GPR141: variants seen among roughly 807,000 people sequenced by gnomAD.
GPR141 encodes the protein G protein-coupled receptor 141.
A neutral mutation model predicts 6.8 loss-of-function variants in GPR141; 6 were observed. The ratio of observed to expected loss-of-function variants is 0.88; its 90% CI spans 0.48 to 1.74. The LOEUF (loss-of-function observed/expected upper bound fraction) is 1.74. Ranked by LOEUF, GPR141 falls within the 40% of genes most tolerant of loss-of-function variation. The pLI, the probability that GPR141 is intolerant of heterozygous loss-of-function variation, is 0.01. For synonymous variants in GPR141, 140 were observed against 142.3 expected, an observed-to-expected ratio of 0.98 and a Z score of 0.11; for missense variants, 372 against 372.9, an observed-to-expected ratio of 1.00 and a Z score of 0.02.
chr7:37,712,998 A>G (rs540945748), intron 2 of GPR141, among the ~76,000 whole-genome samples: 1 of 152,310 alleles, frequency 6.6e-6, no homozygotes, highest in South Asian at 2.1e-4. Flanking sequence ...CATGGTAATG[A>G]TAGAGGCATA....
chr7:37,692,093 C>T (rs1229654418), intron 2 of GPR141, among the ~76,000 whole-genome samples: 1 of 152,046 alleles, frequency 6.6e-6, no homozygotes, highest in Non-Finnish European at 1.5e-5. Context: ...GTTTGCTGCA[C>T]CCATTGACCT....
At chr7:37,725,411 G>T (rs1350563327) in intron 2 of GPR141, among the ~76,000 whole-genome samples, 1 of 152,116 alleles carries the variant, frequency 6.6e-6, no homozygotes, top group Non-Finnish European at 1.5e-5. Context: ...CTTGAGCAGG[G>T]TGAGGCATCC....
At chr7:37,695,474 G>T (rs1185070577) in intron 2 of GPR141, among the ~76,000 whole-genome samples, 1 of 152,206 alleles carries the variant, frequency 6.6e-6, no homozygotes, top group Admixed American at 6.5e-5. Flanking sequence ...GATGTCCAAA[G>T]TGTGGATGAT....
intron 2 of GPR141, among the ~76,000 whole-genome samples, chr7:37,710,154 G>A (rs1810721711): frequency 6.6e-6 from 1 of 152,174 alleles, no homozygotes; most frequent in South Asian, 2.1e-4. Context: ...ATAGAAAATG[G>A]AAGTAGAACT....
intron 2 of GPR141, among the ~76,000 whole-genome samples, chr7:37,686,755 G>A (rs1346511103): frequency 2.6e-5 from 4 of 152,120 alleles, no homozygotes; most frequent in Admixed American, 2.6e-4. Context: ...AAAATTGGAT[G>A]TAACTGTGAT....
chr7:37,743,024 G>A lies in GPR141; in HGVS notation c.*1713G>A, dbSNP rs894869491. On this transcript the variant is annotated 3_prime_UTR_variant, in exon 3 of 3. Transcript: ENST00000334425. Reference sequence around the variant, plus strand: ...ATAGGCTTGTGGGTTTTTGCTTTTTGGGTTTTTTTTGCTCCTGCCCATACT... The same window carrying A: ...ATAGGCTTGTGGGTTTTTGCTTTTTAGGTTTTTTTTGCTCCTGCCCATACT... 4.0e-5 allele frequency among the ~76,000 whole-genome samples: 6 copies of A among 151,834 alleles called. No homozygotes were observed. The highest frequency in any genetic ancestry group is 1.2e-4 in the African/African-American group (5 of 41,338).
intron 2 of GPR141, among the ~76,000 whole-genome samples, chr7:37,721,082 T>A (rs1358542924): frequency 6.6e-6 from 1 of 152,158 alleles, no homozygotes; most frequent in African/African-American, 2.4e-5. Context: ...TGTCACTTTT[T>A]CTCTTTTTTC....
intron 2 of GPR141, among the ~76,000 whole-genome samples, chr7:37,695,801 T>C (rs1394522460): frequency 2.0e-5 from 3 of 152,222 alleles, no homozygotes; most frequent in South Asian, 2.1e-4. Context: ...TAAACACTTA[T>C]GTAGTGTTTG....
chr7:37,704,115 A>G (rs1424420487), intron 2 of GPR141, among the ~76,000 whole-genome samples: 1 of 152,270 alleles, frequency 6.6e-6, no homozygotes, highest in Admixed American at 6.5e-5. Context: ...CCTTTGTCCA[A>G]ACTCTGACAA....
intron 2 of GPR141, among the ~76,000 whole-genome samples, chr7:37,707,196 G>A (rs1462880324): frequency 6.6e-6 from 1 of 152,128 alleles, no homozygotes; most frequent in Non-Finnish European, 1.5e-5. Context: ...TTCTTGCCAA[G>A]ACAATTCTAA....
At chr7:37,738,422 T>G (rs1227051700) in intron 2 of GPR141, among the ~76,000 whole-genome samples, 1 of 152,230 alleles carries the variant, frequency 6.6e-6, no homozygotes, top group Non-Finnish European at 1.5e-5. Context: ...TTGACTCACA[T>G]GTGAACACAA....
intron 2 of GPR141, among the ~76,000 whole-genome samples, chr7:37,732,944 CATTTCCTAGAAG>C (rs1812046261): frequency 6.6e-6 from 1 of 152,170 alleles, no homozygotes; most frequent in Non-Finnish European, 1.5e-5. Flanking sequence ...CATGAAGAGG[CATTTCCTAGAAG>C]GGAAAATTAG....
chr7:37,712,258 C>T (rs537994026), intron 2 of GPR141, among the ~76,000 whole-genome samples: 5 of 152,274 alleles, frequency 3.3e-5, no homozygotes, highest in African/African-American at 9.6e-5. Flanking sequence ...CAATCAAATT[C>T]CCACCTGTGA....
chr7:37,720,332 C>A (rs545886090), intron 2 of GPR141, among the ~76,000 whole-genome samples: 1 of 152,176 alleles, frequency 6.6e-6, no homozygotes, highest in Non-Finnish European at 1.5e-5. Flanking sequence ...ACATGGCCCA[C>A]CTTGGGCTAG....
chr7:37,722,994 C>CTT (rs111534766), intron 2 of GPR141, among the ~76,000 whole-genome samples: 2 of 96,560 alleles, frequency 2.1e-5, no homozygotes, highest in African/African-American at 3.8e-5. Flanking sequence ...TTCTTTCTTT[C>CTT]TTTTTTTTTT....
At chr7:37,736,433 T>C (rs775416493) in intron 2 of GPR141, among the ~76,000 whole-genome samples, 4 of 149,892 alleles carry the variant, frequency 2.7e-5, no homozygotes, top group Non-Finnish European at 5.9e-5. Context: ...ACTGATTATT[T>C]CCCAAAAGTG....
At chr7:37,721,821 G>T (rs2131818643) in intron 2 of GPR141, among the ~76,000 whole-genome samples, 1 of 152,312 alleles carries the variant, frequency 6.6e-6, no homozygotes, top group South Asian at 2.1e-4. Flanking sequence ...AGGCCTGAAA[G>T]TATGGTGTCT....
At chr7:37,722,976 TTCC>T (rs1811420849) in intron 2 of GPR141, among the ~76,000 whole-genome samples, 3 of 146,066 alleles carry the variant, frequency 2.1e-5, no homozygotes, top group African/African-American at 5.1e-5. Context: ...CCTTCCTTCC[TTCC>T]TTCTTTCTTT....
chr7:37,714,767 C>T (rs534279410), intron 2 of GPR141, among the ~76,000 whole-genome samples: 10 of 152,232 alleles, frequency 6.6e-5, no homozygotes, highest in Admixed American at 1.3e-4. Flanking sequence ...ATATGCCATT[C>T]GTGTAGCAAG....
Sources: gnomAD v4.1 joint callset for allele counts (sites outside exome capture counted in the v4.1 genomes callset) on GRCh38, gnomAD v4.1.1 for gene constraint, MANE v1.5 for transcripts, NCBI Gene and HGNC (gene_info 2026-07-23, HGNC 2026-07-21) for gene names.